Variants in NALF1 observed in about 807,000 individuals in gnomAD.
NALF1 encodes the protein family with sequence similarity 155 member A.
In NALF1, 3 loss-of-function variants were observed where a neutral mutation model predicts 48.4. The ratio of observed to expected loss-of-function variants is 0.06; its 90% CI spans 0.03 to 0.16. NALF1 has a LOEUF of 0.16. NALF1 is among the 10% of genes least tolerant of loss of function. NALF1 has a pLI of 1.00. For synonymous variants in NALF1, 262 were observed against 245.7 expected (o/e 1.07, Z -0.62); for missense variants, 526 against 571.5 (o/e 0.92, Z 0.81).
intron 1 of NALF1, among the ~76,000 whole-genome samples, chr13:107,801,026 C>A (rs1385654292): frequency 2.0e-5 from 3 of 152,128 alleles, no homozygotes; most frequent in Non-Finnish European, 2.9e-5. Context: ...TATCTCACTA[C>A]AAGTCCTACA....
At chr13:107,536,431 C>T (rs1219695556) in intron 1 of NALF1, among the ~76,000 whole-genome samples, 5 of 152,132 alleles carry the variant, frequency 3.3e-5, no homozygotes, top group Non-Finnish European at 5.9e-5. Flanking sequence ...TATGAACAGA[C>T]ACTTCTCAAA....
At chr13:107,302,448 T>C (rs2138894196) in intron 1 of NALF1, among the ~76,000 whole-genome samples, 1 of 152,260 alleles carries the variant, frequency 6.6e-6, no homozygotes, top group African/African-American at 2.4e-5. Flanking sequence ...ATTTTTTTTT[T>C]CTCTTCCATG....
rs532426481 is a variant in NALF1 at position 107,596,061 on chromosome 13, G to A, written c.915+269621C>T. 1.1e-4 allele frequency among the ~76,000 whole-genome samples: 16 copies of A among 152,262 alleles called. No individual in the cohort carries two copies. The South Asian group carries it at 3.3e-3, about 32-fold the overall frequency. Reference sequence around the variant, plus strand: ...GTGGAAGGGGAAGGTATCAGTCTTCGAGGGCAATGGAGAGAAAATTATCTT... The same window carrying A: ...GTGGAAGGGGAAGGTATCAGTCTTCAAGGGCAATGGAGAGAAAATTATCTT... On this transcript the variant is annotated intron_variant, in intron 1 of 2. Transcript: ENST00000375915.
At chr13:107,577,037 C>T (rs542585831) in intron 1 of NALF1, among the ~76,000 whole-genome samples, 1 of 152,222 alleles carries the variant, frequency 6.6e-6, no homozygotes, top group African/African-American at 2.4e-5. Flanking sequence ...ACCTAAGTAA[C>T]ATAAACTTGT....
At chr13:107,357,902 C>T (rs1219947300) in intron 1 of NALF1, among the ~76,000 whole-genome samples, 3 of 152,022 alleles carry the variant, frequency 2.0e-5, no homozygotes, top group African/African-American at 7.2e-5. Context: ...GGGGTCATTG[C>T]GAGGCTCTCC....
chr13:107,862,402 G>A (rs1029406866), intron 1 of NALF1, among the ~76,000 whole-genome samples: 16 of 151,898 alleles, frequency 1.1e-4, no homozygotes, highest in African/African-American at 3.4e-4. Flanking sequence ...TAAAAATTTT[G>A]GTAGCTTTGT....
chr13:107,812,827 G>T (rs1280815991), intron 1 of NALF1, among the ~76,000 whole-genome samples: 1 of 152,000 alleles, frequency 6.6e-6, no homozygotes, highest in Non-Finnish European at 1.5e-5. Context: ...TTGAGACAGG[G>T]TCTCGCTCTG....
intron 1 of NALF1, among the ~76,000 whole-genome samples, chr13:107,668,299 T>C (rs986694259): frequency 6.6e-6 from 1 of 152,098 alleles, no homozygotes; most frequent in Non-Finnish European, 1.5e-5. Context: ...AACTCACTTC[T>C]GAGGTTTGGA....
chr13:107,776,970 T>C (rs1877751404), intron 1 of NALF1, among the ~76,000 whole-genome samples: 1 of 152,020 alleles, frequency 6.6e-6, no homozygotes. Flanking sequence ...CTCACGTCTA[T>C]AGTCCCAGCT....
intron 1 of NALF1, among the ~76,000 whole-genome samples, chr13:107,774,746 C>T (rs1042587395): frequency 2.0e-5 from 3 of 152,028 alleles, no homozygotes; most frequent in Non-Finnish European, 2.9e-5. Context: ...TTTGTTCTTA[C>T]GGAGTCTCTG....
chr13:107,683,808 G>A (rs900389704), intron 1 of NALF1, among the ~76,000 whole-genome samples: 8 of 151,686 alleles, frequency 5.3e-5, no homozygotes, highest in East Asian at 3.9e-4. Context: ...GGTCACTTGC[G>A]ATTTTGTCCT....
intron 1 of NALF1, among the ~76,000 whole-genome samples, chr13:107,221,712 A>G (rs562048745): frequency 4.9e-4 from 75 of 152,308 alleles, no homozygotes; most frequent in African/African-American, 1.7e-3. Context: ...AGACTCAGAG[A>G]ATGTAAGCAA....
chr13:107,758,837 T>C (rs1363425453), intron 1 of NALF1, among the ~76,000 whole-genome samples: 1 of 152,248 alleles, frequency 6.6e-6, no homozygotes, highest in Non-Finnish European at 1.5e-5. Context: ...TGTTTAGGTA[T>C]AGAATTGTTT....
At chr13:107,670,204 C>CA (rs1161158387) in intron 1 of NALF1, among the ~76,000 whole-genome samples, 1 of 152,040 alleles carries the variant, frequency 6.6e-6, no homozygotes, top group Non-Finnish European at 1.5e-5. Flanking sequence ...AAACAGGCAT[C>CA]AATTAGGTGA....
At chr13:107,174,013 G>C (rs758001475) in intron 2 of NALF1, among the ~76,000 whole-genome samples, 35 of 152,260 alleles carry the variant, frequency 2.3e-4, no homozygotes, top group Non-Finnish European at 4.3e-4. Context: ...CAAGTTCCAA[G>C]AGCTCCTTTG....
chr13:107,549,183 G>C (rs1312213464), intron 1 of NALF1, among the ~76,000 whole-genome samples: 1 of 152,156 alleles, frequency 6.6e-6, no homozygotes, highest in Non-Finnish European at 1.5e-5. Flanking sequence ...AAAATCAGTA[G>C]AAGTTAATAT....
intron 1 of NALF1, among the ~76,000 whole-genome samples, chr13:107,593,185 T>G (rs903919255): frequency 2.0e-5 from 3 of 151,928 alleles, no homozygotes; most frequent in African/African-American, 7.2e-5. Flanking sequence ...CTTAGGACCA[T>G]AAATTTAATC....
intron 1 of NALF1, among the ~76,000 whole-genome samples, chr13:107,535,557 C>G (rs1326254978): frequency 6.6e-6 from 1 of 152,082 alleles, no homozygotes; most frequent in Non-Finnish European, 1.5e-5. Context: ...CTACAAATCA[C>G]TGCTCAACAA....
In NALF1 at chr13:107,611,567, A is replaced by G. The variant is rs564948809; in HGVS notation, c.915+254115T>C. Among the ~76,000 whole-genome samples the G allele has an allele frequency of 6.8e-4, 103 of 152,284 alleles. 1 individual carries two copies. The highest frequency in any genetic ancestry group is 2.4e-3 in the African/African-American group (98 of 41,556). On this transcript the variant is annotated intron_variant, in intron 1 of 2. Transcript: ENST00000375915. ...GAATCTTGAGAATGTTATATTAAGT[A>G]AAATAGGCCAGTCACTAAGGAAAAC... is the stretch of plus-strand genomic sequence containing the variant.
Sources: allele counts gnomAD v4.1 joint callset (sites outside exome capture counted in the v4.1 genomes callset), GRCh38; gene constraint gnomAD v4.1.1; transcripts MANE v1.5; gene names NCBI Gene and HGNC (gene_info 2026-07-23, HGNC 2026-07-21).